Variants in TINAG observed in about 807,000 individuals in gnomAD.
TINAG encodes the protein tubulointerstitial nephritis antigen.
TINAG carries 83 observed loss-of-function variants against 72.7 expected under a neutral mutation model. The observed-to-expected ratio is 1.14, with a 90% CI of 0.96 to 1.37. The LOEUF is 1.37. TINAG is among the 40% of genes most tolerant of loss of function. The probability of loss-of-function intolerance (pLI) is 0.00; values close to 1 mark genes in which losing one functional copy is unlikely to be tolerated. For missense variants in TINAG, 685 were observed against 576.6 expected (o/e 1.19, Z -1.93); for synonymous variants, 234 against 189.9 (o/e 1.23, Z -1.91).
At chr6:54,351,244 CA>C in intron 7 of TINAG, 107 bp from the exon 8 acceptor site, 3 of 962,162 alleles carry the variant, frequency 3.1e-6, no homozygotes, top group Non-Finnish European at 4.7e-6. Context: ...GTGAGTTTTT[CA>C]AAGTACAATT....
At chr6:54,356,001 T>G (rs1763026980) in intron 9 of TINAG, among the ~76,000 whole-genome samples, 1 of 151,872 alleles carries the variant, frequency 6.6e-6, no homozygotes, top group Admixed American at 6.6e-5. Flanking sequence ...TTCTCAACAT[T>G]CTTTCTAACA....
intron 4 of TINAG, among the ~76,000 whole-genome samples, chr6:54,333,165 A>G (rs561667979): frequency 3.9e-5 from 6 of 152,206 alleles, no homozygotes; most frequent in Non-Finnish European, 8.8e-5. Context: ...AGACACATGT[A>G]CACATATGTT....
intron 1 of TINAG, among the ~76,000 whole-genome samples, chr6:54,318,127 C>T (rs1784414220): frequency 1.3e-5 from 2 of 152,094 alleles, no homozygotes; most frequent in South Asian, 4.1e-4. Context: ...CTTTCTCTTA[C>T]CTATATACAC....
intron 8 of TINAG, among the ~76,000 whole-genome samples, chr6:54,353,091 T>C (rs573652839): frequency 6.6e-6 from 1 of 151,836 alleles, no homozygotes; most frequent in Non-Finnish European, 1.5e-5. Flanking sequence ...TATAGTTATA[T>C]ATTCGTGAAT....
intron 1 of TINAG, among the ~76,000 whole-genome samples, chr6:54,309,320 T>C (rs1784185132): frequency 2.0e-5 from 3 of 152,190 alleles, no homozygotes; most frequent in Non-Finnish European, 4.4e-5. Context: ...TAGATTTTAG[T>C]TGTTATTTAA....
chr6:54,389,695 A>G, intron 10 of TINAG, 96 bp from the exon 11 acceptor site: 1 of 1,407,244 alleles, frequency 7.1e-7, no homozygotes, highest in African/African-American at 1.4e-5. Context: ...ATGATAAATC[A>G]AAGGCATTTA....
rs535088826 is a variant in TINAG, at chr6:54,338,939, A to T, written c.625-4287A>T. On this transcript the variant is annotated intron_variant, in intron 4 of 10. Transcript: ENST00000259782. ...AATTTTCAAAACCGGTGTTTCTCAGAACTATTTTATTACCTCCTTTTGTAA... is the reference window on the plus strand; with the variant it reads ...AATTTTCAAAACCGGTGTTTCTCAGTACTATTTTATTACCTCCTTTTGTAA... Among the ~76,000 whole-genome samples, 196 of 152,242 alleles carry T rather than the reference A, an allele frequency of 1.3e-3. 1 individual carries two copies. Among genetic ancestry groups the T allele is most frequent in the African/African-American group, 3.9e-3 (160 of 41,546 alleles).
chr6:54,320,714 T>C lies in TINAG; in HGVS notation c.419+72T>C, dbSNP rs530335001. On this transcript the variant is annotated intron_variant, in intron 2 of 10. Transcript: ENST00000259782. ...GTTTTCTTCAAATAAAAGAAATATT[T>C]GTGAACCAAAGTATACATTTATGTA... 1.2e-4 allele frequency: 152 copies of C among 1,259,484 alleles called. No homozygotes were observed. In the African/African-American group the frequency reaches 2.0e-3, roughly 16 times the overall value. The allele number at this position is 1,259,484 out of a possible 1,614,324, so 78.0% of individuals were successfully genotyped here. A position where few individuals can be genotyped will look rare whatever the true frequency, so the allele number is the denominator to read the frequency against.
At chr6:54,347,128 A>C (rs1270848457) in intron 5 of TINAG, among the ~76,000 whole-genome samples, 5 of 152,150 alleles carry the variant, frequency 3.3e-5, no homozygotes, top group African/African-American at 1.2e-4. Flanking sequence ...AAGAAACTAA[A>C]AAAATCTTTG....
intron 1 of TINAG, among the ~76,000 whole-genome samples, chr6:54,309,260 G>T (rs892684273): frequency 6.6e-6 from 1 of 152,044 alleles, no homozygotes; most frequent in African/African-American, 2.4e-5. Context: ...AAGCCTTTTT[G>T]TGTGCAGCCT....
chr6:54,312,691 A>G (rs1343555340), intron 1 of TINAG, among the ~76,000 whole-genome samples: 1 of 152,204 alleles, frequency 6.6e-6, no homozygotes, highest in Non-Finnish European at 1.5e-5. Flanking sequence ...AGAAAATAGC[A>G]TTAATATGAA....
At chr6:54,320,510 T>A (rs1191590319) in intron 1 of TINAG, 69 bp from the exon 2 acceptor site, 1 of 1,264,602 alleles carries the variant, frequency 7.9e-7, no homozygotes, top group Non-Finnish European at 1.1e-6. Context: ...GATTTTTGAT[T>A]ACATTTTATG....
chr6:54,377,689 C>G (rs1440557324), intron 9 of TINAG, among the ~76,000 whole-genome samples: 1 of 152,042 alleles, frequency 6.6e-6, no homozygotes, highest in African/African-American at 2.4e-5. Flanking sequence ...TCCTCAGAGA[C>G]AGTCACTGAC....
chr6:54,349,108 CAT>C (rs1413386043), intron 6 of TINAG, among the ~76,000 whole-genome samples: 28 of 151,970 alleles, frequency 1.8e-4, no homozygotes, highest in South Asian at 8.3e-4. Flanking sequence ...AGATAATACA[CAT>C]GTCTGATAGT....
chr6:54,325,666 A>T (rs1420796930), intron 3 of TINAG, among the ~76,000 whole-genome samples: 1 of 152,166 alleles, frequency 6.6e-6, no homozygotes, highest in African/African-American at 2.4e-5. Context: ...TAACCTATGA[A>T]TGTCTCTGAC....
intron 9 of TINAG, chr6:54,365,407 G>A (rs1562176340): frequency 6.6e-6 from 1 of 151,456 alleles, no homozygotes; most frequent in African/African-American, 2.4e-5. Context: ...AGTTTAGGAT[G>A]GGTGCTTTTA....
chr6:54,356,249 A>C (rs1469833509), intron 9 of TINAG, among the ~76,000 whole-genome samples: 1 of 151,860 alleles, frequency 6.6e-6, no homozygotes. Flanking sequence ...AAAATACCAA[A>C]TCAGGCCAGG....
intron 6 of TINAG, among the ~76,000 whole-genome samples, chr6:54,348,442 T>C (rs910470733): frequency 2.6e-5 from 4 of 152,066 alleles, no homozygotes; most frequent in African/African-American, 9.7e-5. Context: ...ATTGGATTGC[T>C]TGGGGTACTG....
At chr6:54,316,524 C>T (rs958352743) in intron 1 of TINAG, among the ~76,000 whole-genome samples, 21 of 152,128 alleles carry the variant, frequency 1.4e-4, no homozygotes, top group Admixed American at 9.2e-4. Flanking sequence ...AGAGTGAATG[C>T]CACTGAACAA....
Sources: gnomAD v4.1 joint callset for allele counts (sites outside exome capture counted in the v4.1 genomes callset) on GRCh38, gnomAD v4.1.1 for gene constraint, MANE v1.5 for transcripts, NCBI Gene and HGNC (gene_info 2026-07-23, HGNC 2026-07-21) for gene names.